PTPRC: variants seen among roughly 807,000 people sequenced by gnomAD.
The protein encoded by PTPRC is receptor-type tyrosine-protein phosphatase C.
A neutral mutation model predicts 155.9 loss-of-function variants in PTPRC; 44 were observed. That is an observed-to-expected ratio of 0.28 (90% CI 0.22 to 0.36). The LOEUF (loss-of-function observed/expected upper bound fraction) is 0.36. Ranked by LOEUF, PTPRC falls within the 10% of genes least tolerant of loss-of-function variation. The probability of loss-of-function intolerance (pLI) is 1.00; values close to 1 mark genes in which losing one functional copy is unlikely to be tolerated. For missense variants in PTPRC, 1,401 were observed against 1,564.6 expected, an observed-to-expected ratio of 0.90 and a Z score of 1.76; for synonymous variants, 525 against 533.1, an observed-to-expected ratio of 0.98 and a Z score of 0.21.
chr1:198,648,646 A>G (rs1663065948), intron 2 of PTPRC, among the ~76,000 whole-genome samples: 1 of 151,842 alleles, frequency 6.6e-6, no homozygotes, highest in Non-Finnish European at 1.5e-5. Flanking sequence ...AGCTGCTTCT[A>G]TATCTTTAGC....
chr1:198,732,532 C>G lies in PTPRC; in HGVS notation c.2118C>G (p.Asn706Lys). 1 of 1,610,134 alleles carries G rather than the reference C, an allele frequency of 6.2e-7. No individual in the cohort carries two copies. The highest frequency in any genetic ancestry group is 1.1e-5 in the South Asian group (1 of 90,948). ...AGATAAACGGAGATGCAGGGTCAAACTACATAAATGCCAGCTATATTGATG... is the reference window on the plus strand; with the variant it reads ...AGATAAACGGAGATGCAGGGTCAAAGTACATAAATGCCAGCTATATTGATG... ...LSEINGDAGS[N>K]YINASYIDGF... Residue 706 changes from asparagine (N) to lysine (K), a missense_variant, in exon 20 of 33, where the codon AAC (asparagine) becomes AAG (lysine). Asn to Lys is a moderately conservative substitution (Grantham distance 94). Transcript: ENST00000442510.
Position 198,706,730 on chromosome 1 carries a change from T to C in PTPRC, c.686-4T>C, listed in dbSNP as rs1283166159. On this transcript the variant is annotated splice_polypyrimidine_tract_variant and splice_region_variant and intron_variant, in intron 8 of 32. Coordinates refer to ENST00000442510, the MANE Select transcript of PTPRC (RefSeq NM_002838.5). ...ATAACACTCAATGTTCTATTTTCTT[T>C]TAGATGAAAAATATGCAAACATCAC... 9 of 1,605,984 alleles carry C rather than the reference T, an allele frequency of 5.6e-6. No homozygotes were observed. The highest frequency in any genetic ancestry group is 7.7e-6 in the Non-Finnish European group (9 of 1,174,658).
chr1:198,731,806 C>A (rs1175650773), intron 18 of PTPRC, 80 bp downstream of exon 18: 2 of 1,138,234 alleles, frequency 1.8e-6, no homozygotes, highest in Non-Finnish European at 1.3e-6. Context: ...TTGCCATTTG[C>A]CTTTATAATT....
intron 8 of PTPRC, among the ~76,000 whole-genome samples, chr1:198,706,160 A>T (rs1468695225): frequency 6.6e-6 from 1 of 152,244 alleles, no homozygotes; most frequent in African/African-American, 2.4e-5. Context: ...AGATATTTTT[A>T]TCAGTCAGCA....
intron 26 of PTPRC, 147 bp downstream of exon 26, chr1:198,744,350 C>T (rs1411941267): frequency 1.0e-5 from 8 of 796,286 alleles, no homozygotes; most frequent in African/African-American, 1.7e-5. Context: ...AACTAGGACA[C>T]AGTGAGTTAA....
At chr1:198,685,094 C>T (rs1405858455) in intron 2 of PTPRC, among the ~76,000 whole-genome samples, 3 of 151,886 alleles carry the variant, frequency 2.0e-5, no homozygotes, top group Admixed American at 2.0e-4. Flanking sequence ...CACTAAAATC[C>T]TTTGCTTCTG....
Position 198,756,030 on chromosome 1 carries a change from A to T in PTPRC, c.3770A>T (p.Gln1257Leu). The change falls in exon 33 of 33, where the codon CAG becomes CTG. Residue 1257 changes from glutamine (Q) to leucine (L), a missense_variant. By Grantham distance (113) the Gln-to-Leu change is moderately radical. This residue lies in a region of PTPRC where 400 missense variants were observed against 389.5 expected (regional missense o/e 1.03). Coordinates refer to ENST00000442510, the MANE Select transcript of PTPRC (RefSeq NM_002838.5). ...GATAATGAAGTGGACAAAGTAAAGC[A>T]GGATGCTAATTGTGTTAATCCACTT... The part of the protein sequence containing the change: ...EFDNEVDKVK[Q>L]DANCVNPLGA... 2 of 1,613,528 alleles carry T rather than the reference A, an allele frequency of 1.2e-6. No homozygotes were observed. The highest frequency in any genetic ancestry group is 1.7e-6 in the Non-Finnish European group (2 of 1,179,640).
Position 198,741,924 on chromosome 1 carries a change from C to A in PTPRC, c.2459C>A (p.Pro820Gln), listed in dbSNP as rs758051506. The A allele has an allele frequency of 1.2e-6, 2 of 1,612,074 alleles. No individual in the cohort carries two copies. Among genetic ancestry groups the A allele is most frequent in the Non-Finnish European group, 1.7e-6 (2 of 1,178,966 alleles). Residue 820 changes from proline (P) to glutamine (Q), a missense_variant, in exon 24 of 33, where the codon CCA (proline) becomes CAA (glutamine). Coordinates refer to ENST00000442510, the MANE Select transcript of PTPRC (RefSeq NM_002838.5). ...EVTHIQFTSW[P>Q]DHGVPEDPHL... is the part of the protein sequence containing the mutation. ...ACTCACATTCAGTTCACCAGCTGGCCAGACCACGGGGTGCCTGAGGATCCT... is the reference window on the plus strand; with the variant it reads ...ACTCACATTCAGTTCACCAGCTGGCAAGACCACGGGGTGCCTGAGGATCCT...
Position 198,749,508 on chromosome 1 carries a change from T to C in PTPRC, c.3031T>C (p.Ser1011Pro). The C allele has an allele frequency of 1.2e-6, 2 of 1,611,220 alleles. No individual in the cohort carries two copies. ...SDESSDDDSD[S>P]EEPSKYINAS... ...TGAATCCTCTGATGATGACAGTGAT[T>C]CAGAGGAACCAAGCAAATACATCAA... The change falls in exon 28 of 33, where the codon TCA becomes CCA. Residue 1011 changes from serine (S) to proline (P), a missense_variant. Coordinates refer to ENST00000442510, the MANE Select transcript of PTPRC (RefSeq NM_002838.5).
intron 10 of PTPRC, 94 bp from the exon 11 acceptor site, chr1:198,709,593 A>G: frequency 2.7e-6 from 3 of 1,129,804 alleles, no homozygotes; most frequent in Non-Finnish European, 3.6e-6. Context: ...TCTGATAAAT[A>G]TTAAATAGAG....
chr1:198,660,960 C>T (rs1663929741), intron 2 of PTPRC, among the ~76,000 whole-genome samples: 1 of 152,126 alleles, frequency 6.6e-6, no homozygotes, highest in Non-Finnish European at 1.5e-5. Flanking sequence ...CACAATGGAG[C>T]TGCAGAATCT....
chr1:198,748,016 A>C, intron 26 of PTPRC, 93 bp from the exon 27 acceptor site: 2 of 1,500,274 alleles, frequency 1.3e-6, no homozygotes, highest in Admixed American at 4.8e-5. Context: ...CACAAAAATT[A>C]ATGAAATGCT....
chr1:198,743,067 C>CAAAAAAAAAAAAAAAAAAAAAGAA (rs1654981363), intron 25 of PTPRC, among the ~76,000 whole-genome samples: 1 of 75,952 alleles, frequency 1.3e-5, no homozygotes, highest in Non-Finnish European at 2.5e-5. Flanking sequence ...GTCAAAATAG[C>CAAAAAAAAAAAAAAAAAAAAAGAA]AAAAAAAAAA....
At chr1:198,670,057 A>G (rs759117139) in intron 2 of PTPRC, among the ~76,000 whole-genome samples, 60 of 152,274 alleles carry the variant, frequency 3.9e-4, no homozygotes, top group Non-Finnish European at 4.0e-4. Context: ...TGTAAGTATT[A>G]CTAGCTTCTT....
rs1666630110 is a variant in PTPRC at position 198,704,568 on chromosome 1, C to T, written c.685+70C>T. On this transcript the variant is annotated intron_variant, in intron 8 of 32. Coordinates refer to ENST00000442510, the MANE Select transcript of PTPRC (RefSeq NM_002838.5). Reference sequence around the variant, plus strand: ...CACTTTAATTACATCTTTCTTTATTCCAAGCTTTCAGGACCCACTAGTAAG... The same window carrying T: ...CACTTTAATTACATCTTTCTTTATTTCAAGCTTTCAGGACCCACTAGTAAG... 1.9e-6 allele frequency: 3 copies of T among 1,612,706 alleles called. No homozygotes were observed. The South Asian group carries it at 3.3e-5, about 18-fold the overall frequency.
chr1:198,753,420 A>G (rs1655477057), intron 31 of PTPRC, among the ~76,000 whole-genome samples: 1 of 152,034 alleles, frequency 6.6e-6, no homozygotes, highest in Admixed American at 6.6e-5. Flanking sequence ...AGTTTACATG[A>G]AAAAGAATAT....
chr1:198,731,408 A>C (rs1188531866), intron 17 of PTPRC, among the ~76,000 whole-genome samples: 1 of 152,040 alleles, frequency 6.6e-6, no homozygotes, highest in African/African-American at 2.4e-5. Context: ...AGAGAGAACA[A>C]TATAAAGCCC....
intron 15 of PTPRC, 142 bp from the exon 16 acceptor site, chr1:198,728,198 C>G: frequency 1.6e-6 from 1 of 618,180 alleles, no homozygotes; most frequent in Non-Finnish European, 2.6e-6. Context: ...TTGTATTTGA[C>G]CTTATTCTAA....
chr1:198,673,280 A>G (rs1444736592), intron 2 of PTPRC, among the ~76,000 whole-genome samples: 2 of 152,170 alleles, frequency 1.3e-5, no homozygotes, highest in Non-Finnish European at 2.9e-5. Context: ...TAATGTGGCT[A>G]TATTTTGATC....
Sources: allele counts gnomAD v4.1 joint callset (sites outside exome capture counted in the v4.1 genomes callset), GRCh38; gene constraint gnomAD v4.1.1; regional missense constraint gnomAD v4.1.1; transcripts MANE v1.5; gene names NCBI Gene and HGNC (gene_info 2026-07-23, HGNC 2026-07-21).